The following CTNNA1 variants were observed in gnomAD, a reference collection of about 807,000 sequenced individuals.
The protein encoded by CTNNA1 is catenin alpha 1.
Under a neutral mutation model 98.4 loss-of-function variants are expected in CTNNA1, and 37 were observed. That is an observed-to-expected ratio of 0.38 (90% CI 0.29 to 0.49). The LOEUF is 0.49. Among genes scored for constraint, CTNNA1 ranks in the 20% least tolerant of loss-of-function variants. The probability of loss-of-function intolerance (pLI) is 0.95; values close to 1 mark genes in which losing one functional copy is unlikely to be tolerated. For missense variants in CTNNA1, 761 were observed against 1,147.2 expected (o/e 0.66, Z 4.86); for synonymous variants, 404 against 413.2 (o/e 0.98, Z 0.27).
At chr5:138,789,997 G>C (rs1305752016) in intron 3 of CTNNA1, among the ~76,000 whole-genome samples, 3 of 152,136 alleles carry the variant, frequency 2.0e-5, no homozygotes, top group Non-Finnish European at 4.4e-5. Context: ...CCACCATCTG[G>C]GCAATACAGA....
At chr5:138,811,966 A>G (rs1171917286) in intron 4 of CTNNA1, 5 of 396,566 alleles carry the variant, frequency 1.3e-5, no homozygotes, top group Non-Finnish European at 2.3e-5. Context: ...GGGGGAGGGA[A>G]TTTTGTACTT....
chr5:138,871,635 TGA>T (rs1750635149), intron 7 of CTNNA1: 1 of 152,242 alleles, frequency 6.6e-6, no homozygotes, highest in African/African-American at 2.4e-5. Context: ...CCAGCTAACC[TGA>T]GAGTCAGATT....
At chr5:138,857,136 A>C (rs1763798577) in intron 7 of CTNNA1, among the ~76,000 whole-genome samples, 2 of 152,084 alleles carry the variant, frequency 1.3e-5, no homozygotes, top group South Asian at 4.2e-4. Context: ...ATCTCCCTTA[A>C]CAGCCTTTTT....
At chr5:138,933,082 C>A in intron 17 of CTNNA1, 1 of 680,950 alleles carries the variant, frequency 1.5e-6, no homozygotes, top group Admixed American at 2.0e-5. Context: ...TGCAGTGAGC[C>A]GAGATGGCAC....
chr5:138,795,140 A>T (rs1199783659), intron 3 of CTNNA1, among the ~76,000 whole-genome samples: 1 of 131,358 alleles, frequency 7.6e-6, no homozygotes, highest in Admixed American at 8.3e-5. Context: ...TAGGTGAAGG[A>T]GTGAGACTCT....
intron 7 of CTNNA1, among the ~76,000 whole-genome samples, chr5:138,854,160 C>T (rs1333776213): frequency 1.3e-5 from 2 of 151,734 alleles, no homozygotes; most frequent in Non-Finnish European, 2.9e-5. Flanking sequence ...ATTTTTTTAC[C>T]CACATCTGCA....
chr5:138,759,687 C>G (rs1752098821), intron 1 of CTNNA1, among the ~76,000 whole-genome samples: 1 of 152,174 alleles, frequency 6.6e-6, no homozygotes, highest in Admixed American at 6.5e-5. Context: ...TATTACCCAT[C>G]CTGGTTCCCA....
At chr5:138,765,753 A>C (rs1265415522) in intron 1 of CTNNA1, among the ~76,000 whole-genome samples, 1 of 151,870 alleles carries the variant, frequency 6.6e-6, no homozygotes, top group East Asian at 2.0e-4. Flanking sequence ...GATCGAGACC[A>C]TACTGGCCAA....
chr5:138,881,068 T>A, intron 7 of CTNNA1: 2 of 456,284 alleles, frequency 4.4e-6, no homozygotes, highest in South Asian at 3.1e-5. Context: ...CGTCTGCAGT[T>A]GAGATGTTGA....
At chr5:138,919,811 T>C (rs1762533409) in intron 11 of CTNNA1, among the ~76,000 whole-genome samples, 1 of 152,184 alleles carries the variant, frequency 6.6e-6, no homozygotes, top group South Asian at 2.1e-4. Context: ...AAATCATTAA[T>C]AGGGCAAGGC....
At chr5:138,828,292 A>G (rs1405418756) in intron 7 of CTNNA1, 1 of 152,744 alleles carries the variant, frequency 6.5e-6, no homozygotes, top group Non-Finnish European at 1.5e-5. Context: ...GTAGAGTTAC[A>G]TAAAGCAAAC....
chr5:138,841,908 G>A (rs1324235339), intron 7 of CTNNA1, among the ~76,000 whole-genome samples: 1 of 152,096 alleles, frequency 6.6e-6, no homozygotes, highest in African/African-American at 2.4e-5. Context: ...ATTTAACACT[G>A]GAACATATTA....
At chr5:138,799,856 A>AGATGTATG (rs1554081116) in intron 3 of CTNNA1, among the ~76,000 whole-genome samples, 1 of 62,188 alleles carries the variant, frequency 1.6e-5, no homozygotes, top group Non-Finnish European at 3.8e-5. Context: ...GAGTAGATGT[A>AGATGTATG]GATGTATGTA....
rs764342361 is a variant in CTNNA1 at position 138,904,455 on chromosome 5, G to A, written c.1389+14G>A. On this transcript the variant is annotated intron_variant, in intron 10 of 17. Coordinates refer to ENST00000302763, the MANE Select transcript of CTNNA1 (RefSeq NM_001903.5). ...CTCTGTCCTCAGGTAAAGTACAACT[G>A]ACACTGGTGACAGCATAACCAAATT... The A allele has an allele frequency of 1.2e-6, 2 of 1,607,708 alleles. No homozygotes were observed. The highest frequency in any genetic ancestry group is 2.2e-5 in the South Asian group (2 of 90,264).
intron 7 of CTNNA1, among the ~76,000 whole-genome samples, chr5:138,884,622 T>C (rs1388025450): frequency 6.6e-6 from 1 of 152,232 alleles, no homozygotes; most frequent in African/African-American, 2.4e-5. Context: ...TGGTATCTTA[T>C]TGCTACAAAT....
chr5:138,872,104 A>G (rs1373944718), intron 7 of CTNNA1: 1 of 151,474 alleles, frequency 6.6e-6, no homozygotes, highest in Non-Finnish European at 1.5e-5. Context: ...CAGGATTGTT[A>G]AATTGACTCA....
chr5:138,775,208 G>C (rs1004252123), intron 1 of CTNNA1, among the ~76,000 whole-genome samples: 1 of 152,160 alleles, frequency 6.6e-6, no homozygotes, highest in African/African-American at 2.4e-5. Flanking sequence ...GGAATGCTAG[G>C]ATATGTAGGA....
intron 5 of CTNNA1, among the ~76,000 whole-genome samples, chr5:138,820,727 G>A (rs916626406): frequency 4.3e-4 from 47 of 109,898 alleles, no homozygotes; most frequent in African/African-American, 1.3e-3. Flanking sequence ...TTGTTTAGTC[G>A]TTGTTTTGGG....
chr5:138,790,812 G>A (rs1756271195), intron 3 of CTNNA1: 2 of 152,222 alleles, frequency 1.3e-5, no homozygotes, highest in African/African-American at 4.8e-5. Context: ...AGGATTGATT[G>A]TAGCTAAGTC....
Sources: allele counts gnomAD v4.1 joint callset (sites outside exome capture counted in the v4.1 genomes callset), GRCh38; gene constraint gnomAD v4.1.1; transcripts MANE v1.5; gene names NCBI Gene and HGNC (gene_info 2026-07-23, HGNC 2026-07-21).